The following SPATA13 variants were observed in gnomAD, a reference collection of about 807,000 sequenced individuals.
The protein encoded by SPATA13 is spermatogenesis associated 13.
SPATA13 carries 50 observed loss-of-function variants against 104.0 expected under a neutral mutation model. That is an observed-to-expected ratio of 0.48 (90% confidence interval 0.38 to 0.61). SPATA13 has a LOEUF of 0.61. SPATA13 is among the 20% of genes least tolerant of loss of function. The probability of loss-of-function intolerance (pLI) is 0.00; values close to 1 mark genes in which losing one functional copy is unlikely to be tolerated. For missense variants in SPATA13, 1,524 were observed against 1,690.6 expected, an observed-to-expected ratio of 0.90 and a Z score of 1.73; for synonymous variants, 606 against 667.5, an observed-to-expected ratio of 0.91 and a Z score of 1.42.
intron 3 of SPATA13, among the ~76,000 whole-genome samples, chr13:24,049,715 T>A (rs546177859): frequency 1.3e-5 from 2 of 152,250 alleles, no homozygotes; most frequent in South Asian, 4.2e-4. Context: ...GAGTGGATGA[T>A]CTGTTTGTCA....
intron 3 of SPATA13, among the ~76,000 whole-genome samples, chr13:24,063,210 G>A (rs368554553): frequency 2.0e-4 from 30 of 152,232 alleles, no homozygotes; most frequent in African/African-American, 7.0e-4. Flanking sequence ...TTTTATTCGC[G>A]TCTGCCTCCT....
intron 1 of SPATA13, among the ~76,000 whole-genome samples, chr13:24,209,953 A>G (rs1870921054): frequency 6.6e-6 from 1 of 152,056 alleles, no homozygotes; most frequent in Non-Finnish European, 1.5e-5. Flanking sequence ...TTTGATAATA[A>G]CCATCCTAAC....
At chr13:24,287,766 T>A (rs1218903057) in intron 7 of SPATA13, among the ~76,000 whole-genome samples, 1 of 152,228 alleles carries the variant, frequency 6.6e-6, no homozygotes, top group African/African-American at 2.4e-5. Context: ...TTCAGAGAAC[T>A]TGTCATTAGT....
At chr13:24,124,299 C>T (rs1881138595) in intron 3 of SPATA13, among the ~76,000 whole-genome samples, 1 of 152,196 alleles carries the variant, frequency 6.6e-6, no homozygotes, top group Non-Finnish European at 1.5e-5. Context: ...ATTCATTTCT[C>T]ATCTATAAGA....
intron 10 of SPATA13, among the ~76,000 whole-genome samples, chr13:24,295,659 A>AAC (rs2138762951): frequency 9.7e-6 from 1 of 103,120 alleles, no homozygotes; most frequent in East Asian, 2.9e-4. Context: ...ATAATGGTCC[A>AAC]ACAAATTCTC....
At chr13:24,098,835 G>A (rs1050577720) in intron 3 of SPATA13, among the ~76,000 whole-genome samples, 1 of 150,824 alleles carries the variant, frequency 6.6e-6, no homozygotes, top group Non-Finnish European at 1.5e-5. Context: ...GCTGAGGCAG[G>A]AGAATTGCTT....
chr13:24,123,610 A>G, intron 3 of SPATA13: 1 of 1,607,120 alleles, frequency 6.2e-7, no homozygotes, highest in Non-Finnish European at 8.5e-7. Flanking sequence ...GCTGTAAACA[A>G]AAGTGTCTGG....
intron 3 of SPATA13, among the ~76,000 whole-genome samples, chr13:24,143,842 C>T (rs148042746): frequency 6.6e-6 from 1 of 152,202 alleles, no homozygotes; most frequent in Non-Finnish European, 1.5e-5. Context: ...CTTGGAGGAA[C>T]ATGTGACACT....
Position 24,302,807 on chromosome 13 carries a change from T to C in SPATA13, c.*34T>C, listed in dbSNP as rs1340529530. On this transcript the variant is annotated 3_prime_UTR_variant, in exon 13 of 13. Coordinates refer to ENST00000382108, the MANE Select transcript of SPATA13 (RefSeq NM_001166271.3). ...GGCTGTGCTTCCATGGAGCTGGGTG[T>C]CAAGAGAAGAACTGTCTTTGTTTCT... The C allele has an allele frequency of 6.2e-7, 1 of 1,613,692 alleles. No individual in the cohort carries two copies. The highest frequency in any genetic ancestry group is 1.7e-5 in the Admixed American group (1 of 60,022).
At chr13:24,206,227 A>G (rs1445811961) in intron 1 of SPATA13, among the ~76,000 whole-genome samples, 3 of 152,324 alleles carry the variant, frequency 2.0e-5, no homozygotes, top group Middle Eastern at 3.4e-3. Flanking sequence ...CAAATTTACA[A>G]GAAAAAAACA....
chr13:24,215,570 C>CA (rs1272209003), intron 1 of SPATA13, among the ~76,000 whole-genome samples: 4 of 152,022 alleles, frequency 2.6e-5, no homozygotes, highest in Admixed American at 2.0e-4. Flanking sequence ...TATGCAAAGA[C>CA]AAAAAAATTG....
chr13:24,270,759 G>A (rs901164816), intron 4 of SPATA13: 4 of 1,592,114 alleles, frequency 2.5e-6, no homozygotes, highest in Non-Finnish European at 2.6e-6. Context: ...TGCAGTTCCC[G>A]TAGCTGCCAG....
intron 3 of SPATA13, among the ~76,000 whole-genome samples, chr13:24,059,352 T>G (rs1385417952): frequency 6.7e-6 from 1 of 149,276 alleles, no homozygotes; most frequent in African/African-American, 2.4e-5. Context: ...AGGCTTGTCT[T>G]TGATCTCTCA....
intron 5 of SPATA13, among the ~76,000 whole-genome samples, chr13:24,285,602 C>T (rs573653639): frequency 1.2e-3 from 179 of 151,578 alleles, no homozygotes; most frequent in Non-Finnish European, 2.0e-3. Context: ...ACTGCACCTC[C>T]GCCTTCCAGG....
chr13:24,094,763 C>A (rs953876661), intron 3 of SPATA13, among the ~76,000 whole-genome samples: 1 of 151,994 alleles, frequency 6.6e-6, no homozygotes, highest in Non-Finnish European at 1.5e-5. Context: ...ATAGCAAGAC[C>A]CTGTGTCTAA....
In SPATA13 at chr13:24,039,067, A is replaced by T. The variant is rs1017856194; in HGVS notation, c.-112+21366A>T. Among the ~76,000 whole-genome samples, 672 of 152,286 alleles carry T rather than the reference A, an allele frequency of 4.4e-3. 8 individuals carry two copies. The highest frequency in any genetic ancestry group is 0.015 in the African/African-American group (634 of 41,540). On this transcript the variant is annotated intron_variant, in intron 3 of 14. Coordinates refer to the SPATA13 transcript ENST00000424834. The stretch of plus-strand genomic sequence containing the variant: ...AAAAGTTATTGTTTACACCACCACA[A>T]ACCAGAGTGCAGGCTTGTTAGAAAA...
At position 24,219,351 on chromosome 13, in the gene SPATA13, G is replaced by A. The variant is rs2068034; in HGVS notation, c.-111-3468G>A. Among the ~76,000 whole-genome samples the A allele has an allele frequency of 0.017, 2,542 of 152,262 alleles. 132 individuals are homozygous for A. In the East Asian group the frequency reaches 0.18, roughly 11 times the overall value. Reference sequence around the variant, plus strand: ...GGAACAAAATACTAAGTCACTGGTCGTTTAAAAAGCATATTGTCCCAATTA... The same window carrying A: ...GGAACAAAATACTAAGTCACTGGTCATTTAAAAAGCATATTGTCCCAATTA... On this transcript the variant is annotated intron_variant, in intron 1 of 12. Transcript: ENST00000382108.
chr13:23,994,921 T>TGC (rs777790677), intron 2 of SPATA13, among the ~76,000 whole-genome samples: 7 of 152,258 alleles, frequency 4.6e-5, no homozygotes, highest in Non-Finnish European at 8.8e-5. Context: ...AACAGGTGAA[T>TGC]TGGTGTAGCT....
At chr13:24,099,583 A>G (rs1177055295) in intron 3 of SPATA13, among the ~76,000 whole-genome samples, 3 of 152,210 alleles carry the variant, frequency 2.0e-5, no homozygotes, top group African/African-American at 7.2e-5. Context: ...AGCGTGGGAA[A>G]CAGACAGGTG....
Sources: gnomAD v4.1 joint callset for allele counts (sites outside exome capture counted in the v4.1 genomes callset) on GRCh38, gnomAD v4.1.1 for gene constraint, MANE v1.5 for transcripts, NCBI Gene and HGNC (gene_info 2026-07-23, HGNC 2026-07-21) for gene names.